The following NEK5 variants were observed in gnomAD, a reference collection of about 807,000 sequenced individuals.
NEK5 encodes the protein NIMA related kinase 5, also known as serine/threonine-protein kinase Nek5.
In NEK5, 88 loss-of-function variants were observed where a neutral mutation model predicts 109.2. That is an observed-to-expected ratio of 0.81 (90% CI 0.68 to 0.96). NEK5 has a LOEUF of 0.96. Ranked by LOEUF, NEK5 falls within the 40% of genes least tolerant of loss-of-function variation. NEK5 has a pLI of 0.00. For synonymous variants in NEK5, 283 were observed against 299.9 expected (o/e 0.94, Z 0.58); for missense variants, 834 against 920.7 (o/e 0.91, Z 1.22).
rs200511571 is a variant in NEK5, at chr13:52,093,130, G to A, written c.1132C>T (p.His378Tyr). ...CCAGTATTTTCTTGAGGAATAGGGT[G>A]ATAACTTGGTTTGTGGGCTCTCCTC... ...LRRRAHKPSY[H>Y]PIPQENTGVE... The change falls in exon 13 of 24, where the codon CAC becomes TAC. Residue 378 changes from histidine to tyrosine, a missense_variant. This residue lies in a region of NEK5 where 777 missense variants were observed against 824.7 expected (regional missense o/e 0.94). Coordinates refer to ENST00000684899, the MANE Select transcript of NEK5 (RefSeq NM_001365552.1). The A allele has an allele frequency of 4.3e-6, 7 of 1,613,490 alleles. No homozygotes were observed. Among genetic ancestry groups the A allele is most frequent in the African/African-American group, 1.3e-5 (1 of 75,026 alleles).
chr13:52,065,476 A>C lies in NEK5; in HGVS notation c.1975+8T>G. 1 of 1,614,166 alleles carries C rather than the reference A, an allele frequency of 6.2e-7. No individual in the cohort carries two copies. Among genetic ancestry groups the C allele is most frequent in the Non-Finnish European group, 8.5e-7 (1 of 1,179,956 alleles). On this transcript the variant is annotated splice_region_variant and intron_variant, in intron 21 of 23. Transcript: ENST00000684899. ...CTTCCTGACGACTGACGCTAAGCAC[A>C]GACTCACTGTCAGGCCCCGTGGGGC...
At chr13:52,045,469 A>G (rs963114568) in intron 23 of NEK5, among the ~76,000 whole-genome samples, 1 of 148,260 alleles carries the variant, frequency 6.7e-6, no homozygotes, top group Non-Finnish European at 1.5e-5. Flanking sequence ...TATTTGGGGA[A>G]AAAAAAAAGT....
intron 17 of NEK5, among the ~76,000 whole-genome samples, chr13:52,079,388 G>A (rs1405833485): frequency 1.4e-5 from 2 of 147,188 alleles, no homozygotes; most frequent in Non-Finnish European, 3.0e-5. Context: ...TCGGCTCACT[G>A]CAACTTCCCT....
At chr13:52,078,622 A>C (rs915190530) in intron 17 of NEK5, among the ~76,000 whole-genome samples, 1 of 151,918 alleles carries the variant, frequency 6.6e-6, no homozygotes, top group African/African-American at 2.4e-5. Context: ...GGCGGACTCA[A>C]GTCCTAATCT....
In NEK5 at chr13:52,077,294, C is replaced by T. The variant is rs140496222; in HGVS notation, c.1573-1151G>A. Among the ~76,000 whole-genome samples, 19 of 152,276 alleles carry T rather than the reference C, an allele frequency of 1.2e-4. No individual in the cohort carries two copies. The East Asian group carries it at 2.1e-3, about 17-fold the overall frequency. ...GAGTATCAGAAACCAGATTTAATTC[C>T]GCACCTGAAACAACCAAAGAGCCAA... On this transcript the variant is annotated intron_variant, in intron 17 of 23. Coordinates refer to ENST00000684899, the MANE Select transcript of NEK5 (RefSeq NM_001365552.1).
chr13:52,093,456 A>T (rs1296263073), intron 12 of NEK5, among the ~76,000 whole-genome samples: 3 of 152,110 alleles, frequency 2.0e-5, no homozygotes, highest in Admixed American at 2.0e-4. Context: ...GCTACTTGGG[A>T]GGCTGAGGAA....
intron 20 of NEK5, among the ~76,000 whole-genome samples, 194 bp downstream of exon 20, chr13:52,071,750 G>T (rs961374625): frequency 6.6e-6 from 1 of 152,204 alleles, no homozygotes; most frequent in Non-Finnish European, 1.5e-5. Context: ...GAGCAGGAGA[G>T]GAGGGCTGGA....
At chr13:52,043,282 T>C (rs1318612814) in intron 23 of NEK5, among the ~76,000 whole-genome samples, 1 of 151,884 alleles carries the variant, frequency 6.6e-6, no homozygotes, top group Non-Finnish European at 1.5e-5. Context: ...ATCATGCCTG[T>C]AATCCCAGCA....
chr13:52,039,647 A>G lies in NEK5; in HGVS notation c.2229-2429T>C, dbSNP rs556894623. Among the ~76,000 whole-genome samples the G allele has an allele frequency of 3.3e-5, 5 of 152,210 alleles. No individual in the cohort carries two copies. The South Asian group carries it at 1.0e-3, about 32-fold the overall frequency. ...CTCCTTTTCATATACATTTGACTTC[A>G]TGCCTCTTAACTTCTCTGTCACATT... On this transcript the variant is annotated intron_variant, in intron 23 of 23. Coordinates refer to ENST00000684899, the MANE Select transcript of NEK5 (RefSeq NM_001365552.1).
chr13:52,065,277 C>G, intron 21 of NEK5: 1 of 685,932 alleles, frequency 1.5e-6, no homozygotes, highest in South Asian at 1.8e-5. Context: ...TTTATATGTG[C>G]ATGTCTAGAG....
Position 52,127,877 on chromosome 13 carries a change from G to A in NEK5, c.-90-215C>T, listed in dbSNP as rs1397256125. On this transcript the variant is annotated intron_variant, in intron 1 of 23. Coordinates refer to ENST00000684899, the MANE Select transcript of NEK5 (RefSeq NM_001365552.1). ...CCTTTATAAAGCAGGAATGTCCTTAGGCTTGTGCACTTTTATAGTTCAGCC... is the reference window on the plus strand; with the variant it reads ...CCTTTATAAAGCAGGAATGTCCTTAAGCTTGTGCACTTTTATAGTTCAGCC... 2.0e-5 allele frequency among the ~76,000 whole-genome samples: 3 copies of A among 152,304 alleles called. No homozygotes were observed. The South Asian group carries it at 6.2e-4, about 32-fold the overall frequency.
At chr13:52,052,521 G>C (rs1419523438) in intron 22 of NEK5, among the ~76,000 whole-genome samples, 2 of 152,180 alleles carry the variant, frequency 1.3e-5, no homozygotes, top group African/African-American at 4.8e-5. Flanking sequence ...TTTGCAGCAA[G>C]GAGCACAGAC....
At chr13:52,055,611 C>T (rs1401143566) in intron 22 of NEK5, among the ~76,000 whole-genome samples, 1 of 152,150 alleles carries the variant, frequency 6.6e-6, no homozygotes, top group African/African-American at 2.4e-5. Context: ...TCGGCAGAAA[C>T]TCTACAAGCC....
rs7317960 is a variant in NEK5, at chr13:52,037,290, C to G, written c.2229-72G>C. 8.0e-5 allele frequency: 57 copies of G among 712,076 alleles called. No individual in the cohort carries two copies. In the African/African-American group the frequency reaches 1.0e-3, roughly 13 times the overall value. The allele number at this position is 712,076 out of a possible 1,614,324, so 44.1% of individuals were successfully genotyped here. A position where few individuals can be genotyped will look rare whatever the true frequency, so the allele number is the denominator to read the frequency against. On this transcript the variant is annotated intron_variant, in intron 23 of 23. Coordinates refer to ENST00000684899, the MANE Select transcript of NEK5 (RefSeq NM_001365552.1). The stretch of plus-strand genomic sequence containing the variant: ...GAAGAATACATGTAAAAACTCGTTT[C>G]CCTTTTCTCCATCCCCAGTTGAGCA...
chr13:52,077,549 G>C (rs1003003906), intron 17 of NEK5, among the ~76,000 whole-genome samples: 1 of 152,070 alleles, frequency 6.6e-6, no homozygotes, highest in Admixed American at 6.6e-5. Flanking sequence ...CAAGGCTTGG[G>C]GGGTATTAAG....
intron 1 of NEK5, 67 bp downstream of exon 1, chr13:52,128,962 C>G (rs1956123973): frequency 6.6e-6 from 1 of 152,484 alleles, no homozygotes; most frequent in Admixed American, 6.5e-5. Context: ...TTTCCCCCAC[C>G]CTGCCGAGCT....
chr13:52,037,585 G>C (rs1396333767), intron 23 of NEK5, among the ~76,000 whole-genome samples: 1 of 152,146 alleles, frequency 6.6e-6, no homozygotes, highest in African/African-American at 2.4e-5. Flanking sequence ...TTTTGAGGTA[G>C]ACATTATCAT....
At chr13:52,057,162 A>G (rs916043744) in intron 22 of NEK5, among the ~76,000 whole-genome samples, 3 of 152,366 alleles carry the variant, frequency 2.0e-5, no homozygotes, top group African/African-American at 7.2e-5. Context: ...AGAGAATACT[A>G]CAAACATCTC....
intron 4 of NEK5, among the ~76,000 whole-genome samples, chr13:52,117,308 C>A (rs1045878447): frequency 6.6e-6 from 1 of 152,172 alleles, no homozygotes; most frequent in African/African-American, 2.4e-5. Flanking sequence ...CCTTTACCTA[C>A]ACTCTCTAAA....
Sources: gnomAD v4.1 joint callset for allele counts (sites outside exome capture counted in the v4.1 genomes callset) on GRCh38, gnomAD v4.1.1 for gene constraint, gnomAD v4.1.1 regional missense constraint, MANE v1.5 for transcripts, NCBI Gene and HGNC (gene_info 2026-07-23, HGNC 2026-07-21) for gene names.